The following DCDC2 variants were observed in gnomAD, a reference collection of about 807,000 sequenced individuals.
DCDC2 encodes doublecortin domain-containing protein 2.
DCDC2 carries 40 observed loss-of-function variants against 50.2 expected under a neutral mutation model. That is an observed-to-expected ratio of 0.80 (90% confidence interval 0.62 to 1.04). The LOEUF (loss-of-function observed/expected upper bound fraction) is 1.04. DCDC2 is among the 50% of genes least tolerant of loss of function. The pLI, the probability that DCDC2 is intolerant of heterozygous loss-of-function variation, is 0.00. For missense variants in DCDC2, 570 were observed against 581.9 expected (o/e 0.98, Z 0.21); for synonymous variants, 234 against 210.6 (o/e 1.11, Z -0.96).
rs929330836 is a variant in DCDC2 at position 24,174,390 on chromosome 6, A to G, written c.*340T>C. The G allele has an allele frequency of 1.2e-5, 2 of 161,976 alleles. No homozygotes were observed. Among genetic ancestry groups the G allele is most frequent in the African/African-American group, 4.8e-5 (2 of 41,900 alleles). The allele number at this position is 161,976 out of a possible 1,614,324, so 10.0% of individuals were successfully genotyped here. On this transcript the variant is annotated 3_prime_UTR_variant, in exon 10 of 10. Transcript: ENST00000378454. ...CCTTCCTAGAGAAAAATTATTTAGA[A>G]TAAACTGCCTTCTAAACTTATAATA... is the stretch of plus-strand genomic sequence containing the variant.
chr6:24,180,025 A>G (rs1200339579), intron 8 of DCDC2, among the ~76,000 whole-genome samples: 1 of 151,596 alleles, frequency 6.6e-6, no homozygotes, highest in Non-Finnish European at 1.5e-5. Flanking sequence ...GACTTTGGAG[A>G]AAAACCCAGG....
At chr6:24,283,883 T>G (rs979041107) in intron 6 of DCDC2, among the ~76,000 whole-genome samples, 2 of 152,200 alleles carry the variant, frequency 1.3e-5, no homozygotes, top group Non-Finnish European at 2.9e-5. Flanking sequence ...CCAGGGGTTA[T>G]TCTCCTCTAC....
chr6:24,222,060 G>A (rs1303981223), intron 7 of DCDC2, among the ~76,000 whole-genome samples: 1 of 152,172 alleles, frequency 6.6e-6, no homozygotes, highest in Non-Finnish European at 1.5e-5. Flanking sequence ...AGATGGCAGG[G>A]GCAAATGAGG....
intron 8 of DCDC2, among the ~76,000 whole-genome samples, chr6:24,184,426 T>C (rs1467135322): frequency 6.6e-6 from 1 of 151,796 alleles, no homozygotes; most frequent in East Asian, 1.9e-4. Flanking sequence ...TACAAAAAAT[T>C]AGCCGGGCTT....
intron 7 of DCDC2, among the ~76,000 whole-genome samples, chr6:24,232,980 G>A (rs1762369588): frequency 1.3e-5 from 2 of 152,132 alleles, no homozygotes; most frequent in African/African-American, 4.8e-5. Flanking sequence ...AGCATGATAG[G>A]CAATGGCCAT....
At chr6:24,326,740 T>C (rs1759875489) in intron 2 of DCDC2, among the ~76,000 whole-genome samples, 1 of 148,198 alleles carries the variant, frequency 6.7e-6, no homozygotes. Flanking sequence ...ATGCCTGTAG[T>C]CCCAGCTAGT....
intron 8 of DCDC2, among the ~76,000 whole-genome samples, chr6:24,195,689 G>T (rs1280806041): frequency 2.0e-5 from 3 of 152,142 alleles, no homozygotes; most frequent in African/African-American, 7.2e-5. Context: ...TCCCCCAGTT[G>T]TTACACCAAA....
chr6:24,370,755 G>T, the DCDC2 span, among the ~76,000 whole-genome samples: 3 of 152,066 alleles, frequency 2.0e-5, no homozygotes. Flanking sequence ...AAAAAACTGT[G>T]TATAACATGT....
At chr6:24,374,789 C>T in the DCDC2 span, among the ~76,000 whole-genome samples, 61,634 of 151,952 alleles carry the variant, frequency 0.41, 13,385 homozygotes, top group African/African-American at 0.56. Flanking sequence ...AGACGCAGCT[C>T]AGGGACAGTG....
intron 7 of DCDC2, among the ~76,000 whole-genome samples, chr6:24,275,629 T>C (rs1241406184): frequency 2.6e-5 from 4 of 152,120 alleles, no homozygotes; most frequent in African/African-American, 9.7e-5. Flanking sequence ...TTAAAACCTA[T>C]AATCTGCACA....
At chr6:24,271,910 T>C (rs1763245324) in intron 7 of DCDC2, among the ~76,000 whole-genome samples, 1 of 152,178 alleles carries the variant, frequency 6.6e-6, no homozygotes, top group Non-Finnish European at 1.5e-5. Flanking sequence ...TCACAAATTT[T>C]TCCTTTTGAA....
intron 2 of DCDC2, among the ~76,000 whole-genome samples, chr6:24,313,877 G>T (rs1759614963): frequency 6.6e-6 from 1 of 152,190 alleles, no homozygotes; most frequent in Non-Finnish European, 1.5e-5. Flanking sequence ...GACAGACGGG[G>T]TCCCCACTCT....
rs949188710 is a variant in DCDC2, at chr6:24,357,591, C to G, written c.160G>C (p.Gly54Arg). 6 of 1,613,380 alleles carry G rather than the reference C, an allele frequency of 3.7e-6. No homozygotes were observed. In the African/African-American group the frequency reaches 6.7e-5, roughly 18 times the overall value. The change falls in exon 1 of 10, where the codon GGC (glycine) becomes CGC (arginine). Residue 54 changes from glycine to arginine, a missense_variant. Transcript: ENST00000378454. ...ACGGCCCCAAAGGGTGCCTGAACGC[C>G]GCCGGTCACCTCCTTCAGGAAGACT... ...FEVFLKEVTG[G>R]VQAPFGAVRN... is the part of the protein sequence containing the mutation.
At chr6:24,211,538 G>T (rs989812603) in intron 7 of DCDC2, among the ~76,000 whole-genome samples, 4 of 152,206 alleles carry the variant, frequency 2.6e-5, no homozygotes. Flanking sequence ...GATGGGAAGA[G>T]AATTGTGGCT....
intron 7 of DCDC2, among the ~76,000 whole-genome samples, chr6:24,277,489 G>A (rs915995275): frequency 6.6e-6 from 1 of 152,168 alleles, no homozygotes; most frequent in Non-Finnish European, 1.5e-5. Context: ...TCTCATACCA[G>A]TGAAATCTTG....
the DCDC2 span, among the ~76,000 whole-genome samples, chr6:24,372,379 A>G: frequency 6.6e-6 from 1 of 152,136 alleles, no homozygotes; most frequent in East Asian, 1.9e-4. Flanking sequence ...AGATGGCGCC[A>G]CTGCACTCCA....
At chr6:24,217,803 C>A (rs1762013475) in intron 7 of DCDC2, among the ~76,000 whole-genome samples, 1 of 152,140 alleles carries the variant, frequency 6.6e-6, no homozygotes, top group African/African-American at 2.4e-5. Context: ...AGAGTCGATA[C>A]CTTGCTCAAG....
intron 7 of DCDC2, among the ~76,000 whole-genome samples, chr6:24,256,925 C>T (rs534845536): frequency 1.3e-5 from 2 of 152,260 alleles, no homozygotes; most frequent in South Asian, 4.1e-4. Context: ...AGTTCTGGGG[C>T]CACTCAACCA....
At chr6:24,362,675 G>T (rs962876484), upstream of DCDC2, among the ~76,000 whole-genome samples, 3 of 152,086 alleles carry the variant, frequency 2.0e-5, no homozygotes, top group Non-Finnish European at 4.4e-5. Context: ...AGCTTCTCTA[G>T]ACCATCTAAA....
Sources: gnomAD v4.1 joint callset for allele counts (sites outside exome capture counted in the v4.1 genomes callset) on GRCh38, gnomAD v4.1.1 for gene constraint, MANE v1.5 for transcripts, NCBI Gene and HGNC (gene_info 2026-07-23, HGNC 2026-07-21) for gene names.